The following TRIP12 variants were observed in gnomAD, a reference collection of about 807,000 sequenced individuals.
TRIP12 encodes E3 ubiquitin-protein ligase TRIP12.
TRIP12 carries 25 observed loss-of-function variants against 244.2 expected under a neutral mutation model. The ratio of observed to expected loss-of-function variants is 0.10; its 90% CI spans 0.07 to 0.14. The LOEUF is 0.14. Among genes scored for constraint, TRIP12 ranks in the 10% least tolerant of loss-of-function variants. The probability of loss-of-function intolerance (pLI) is 1.00; values close to 1 mark genes in which losing one functional copy is unlikely to be tolerated. For synonymous variants in TRIP12, 905 were observed against 873.1 expected, an observed-to-expected ratio of 1.04 and a Z score of -0.64; for missense variants, 1,677 against 2,486.4, an observed-to-expected ratio of 0.67 and a Z score of 6.92.
intron 8 of TRIP12, among the ~76,000 whole-genome samples, chr2:229,819,590 TC>T (rs997323775): frequency 2.6e-5 from 4 of 152,194 alleles, no homozygotes; most frequent in African/African-American, 4.8e-5. Flanking sequence ...TGAATGTGTT[TC>T]ATTTTTCATG....
At chr2:229,865,373 T>C (rs1242057193) in intron 2 of TRIP12, among the ~76,000 whole-genome samples, 1 of 142,988 alleles carries the variant, frequency 7.0e-6, no homozygotes. Flanking sequence ...GCTGTCTCAA[T>C]GTTAGGAAAA....
rs183541918 is a variant in TRIP12, at chr2:229,808,393, C to G, written c.2222-24G>C. Reference sequence around the variant, plus strand: ...GTCTGTAAAAACCAACAACAAAAAACAAAAGGCTATTAAACTAGTTATACT... The same window carrying G: ...GTCTGTAAAAACCAACAACAAAAAAGAAAAGGCTATTAAACTAGTTATACT... On this transcript the variant is annotated intron_variant, in intron 15 of 41. Coordinates refer to ENST00000675903, the MANE Select transcript of TRIP12 (RefSeq NM_001348323.3). The G allele has an allele frequency of 1.6e-5, 24 of 1,544,548 alleles. No individual in the cohort carries two copies. In the East Asian group the frequency reaches 4.9e-4, roughly 32 times the overall value.
At chr2:229,899,064 A>T (rs1461155093) in intron 1 of TRIP12, among the ~76,000 whole-genome samples, 1 of 152,220 alleles carries the variant, frequency 6.6e-6, no homozygotes, top group South Asian at 2.1e-4. Flanking sequence ...TATTGAAGTA[A>T]AAGAGAAAAA....
At chr2:229,771,724 G>A in intron 38 of TRIP12, 92 bp from the exon 39 acceptor site, 2 of 860,076 alleles carry the variant, frequency 2.3e-6, no homozygotes, top group South Asian at 3.0e-5. Flanking sequence ...CACCCTTCTG[G>A]ATCACTTTAT....
chr2:229,802,207 C>A, intron 21 of TRIP12, 45 bp downstream of exon 21: 1 of 1,499,528 alleles, frequency 6.7e-7, no homozygotes. Context: ...ACCAAAGCAG[C>A]GCTAACAGCA....
intron 8 of TRIP12, among the ~76,000 whole-genome samples, chr2:229,828,342 GT>G (rs142458584): frequency 0.22 from 29,759 of 136,724 alleles, 3,062 homozygotes; most frequent in East Asian, 0.29. Context: ...ACAGTGATTT[GT>G]TTTTTTTTTT....
intron 2 of TRIP12, among the ~76,000 whole-genome samples, chr2:229,872,792 C>A (rs1465896211): frequency 6.6e-6 from 1 of 152,188 alleles, no homozygotes; most frequent in Non-Finnish European, 1.5e-5. Flanking sequence ...ACAGGACTTA[C>A]AAGACTCAAG....
chr2:229,841,252 C>A (rs2056358176), intron 4 of TRIP12, among the ~76,000 whole-genome samples: 1 of 152,076 alleles, frequency 6.6e-6, no homozygotes, highest in Admixed American at 6.6e-5. Flanking sequence ...TTTGTATATA[C>A]CATTTATTTC....
intron 8 of TRIP12, among the ~76,000 whole-genome samples, chr2:229,824,640 C>A (rs2051013726): frequency 6.6e-6 from 1 of 152,166 alleles, no homozygotes; most frequent in Non-Finnish European, 1.5e-5. Context: ...ATGCATGTGG[C>A]AGCTATGAAG....
Position 229,791,892 on chromosome 2 carries a change from A to T in TRIP12, c.4389T>A (p.Gly1463=). 2 of 1,614,050 alleles carry T rather than the reference A, an allele frequency of 1.2e-6. No homozygotes were observed. Among genetic ancestry groups the T allele is most frequent in the Non-Finnish European group, 1.7e-6 (2 of 1,179,952 alleles). ...DDESNPLGRA[G]IWTKTHTIWY... ...ATATTGTATGAGTCTTTGTCCAAATACCAGCTCTGCCTAGAGGATTGCTCT... is the reference window on the plus strand; with the variant it reads ...ATATTGTATGAGTCTTTGTCCAAATTCCAGCTCTGCCTAGAGGATTGCTCT... The change falls in exon 29 of 42, where the codon GGT becomes GGA. Residue 1463 remains glycine, a synonymous_variant. Coordinates refer to ENST00000675903, the MANE Select transcript of TRIP12 (RefSeq NM_001348323.3).
intron 39 of TRIP12, among the ~76,000 whole-genome samples, chr2:229,771,148 G>A (rs1018076416): frequency 6.6e-6 from 1 of 152,210 alleles, no homozygotes; most frequent in Non-Finnish European, 1.5e-5. Context: ...TCGAAACGAA[G>A]TTTAGTTAAG....
chr2:229,867,501 A>C (rs1019110936), intron 2 of TRIP12, among the ~76,000 whole-genome samples: 1 of 152,000 alleles, frequency 6.6e-6, no homozygotes. Flanking sequence ...ATAGTATATG[A>C]GAAAAAGGGA....
At chr2:229,809,805 A>G (rs1023037186) in intron 15 of TRIP12, among the ~76,000 whole-genome samples, 1 of 152,230 alleles carries the variant, frequency 6.6e-6, no homozygotes, top group Non-Finnish European at 1.5e-5. Flanking sequence ...ATTTTTCTAC[A>G]AAGTTCTGTG....
intron 25 of TRIP12, among the ~76,000 whole-genome samples, chr2:229,795,589 T>C (rs1225117388): frequency 4.6e-5 from 7 of 152,192 alleles, no homozygotes; most frequent in Admixed American, 4.6e-4. Flanking sequence ...GGTGGCAAAA[T>C]CTGATCCAAA....
intron 2 of TRIP12, 32 bp downstream of exon 2, chr2:229,879,950 A>T (rs1171568965): frequency 6.2e-7 from 1 of 1,609,602 alleles, no homozygotes; most frequent in African/African-American, 1.3e-5. Context: ...TTTTATTCCC[A>T]ATTCCTTTTC....
intron 1 of TRIP12, among the ~76,000 whole-genome samples, chr2:229,898,494 C>A (rs1257821125): frequency 6.6e-6 from 1 of 152,166 alleles, no homozygotes; most frequent in Non-Finnish European, 1.5e-5. Context: ...GCTCAAGCGT[C>A]TAAGGATTAG....
At chr2:229,874,212 A>G (rs1249251533) in intron 2 of TRIP12, among the ~76,000 whole-genome samples, 1 of 152,150 alleles carries the variant, frequency 6.6e-6, no homozygotes, top group Non-Finnish European at 1.5e-5. Flanking sequence ...TTTCCACTCT[A>G]TAGTAAACGA....
intron 8 of TRIP12, among the ~76,000 whole-genome samples, chr2:229,819,875 C>T (rs1014771068): frequency 1.3e-5 from 2 of 152,148 alleles, no homozygotes; most frequent in African/African-American, 2.4e-5. Flanking sequence ...CTCACAGGGG[C>T]ACATAGCAAT....
chr2:229,833,706 A>G (rs555282597), intron 6 of TRIP12, among the ~76,000 whole-genome samples: 2 of 152,308 alleles, frequency 1.3e-5, no homozygotes, highest in South Asian at 4.1e-4. Flanking sequence ...CCTTTTATGA[A>G]GTAGTTTAGG....
Sources: gnomAD v4.1 joint callset for allele counts (sites outside exome capture counted in the v4.1 genomes callset) on GRCh38, gnomAD v4.1.1 for gene constraint, MANE v1.5 for transcripts, NCBI Gene and HGNC (gene_info 2026-07-23, HGNC 2026-07-21) for gene names.